The following MAP4K4 variants were observed in gnomAD, a reference collection of about 807,000 sequenced individuals.
MAP4K4 encodes HPK/GCK-like kinase HGK.
Under a neutral mutation model 189.6 loss-of-function variants are expected in MAP4K4, and 38 were observed. That is an observed-to-expected ratio of 0.20 (90% CI 0.15 to 0.26). MAP4K4 has a LOEUF of 0.26. MAP4K4 is among the 10% of genes least tolerant of loss of function. The probability of loss-of-function intolerance (pLI) is 1.00; values close to 1 mark genes in which losing one functional copy is unlikely to be tolerated. For missense variants in MAP4K4, 1,054 were observed against 1,726.9 expected (o/e 0.61, Z 6.91); for synonymous variants, 610 against 624.3 (o/e 0.98, Z 0.34).
At chr2:101,821,236 G>A (rs148959966) in intron 3 of MAP4K4, among the ~76,000 whole-genome samples, 9 of 152,262 alleles carry the variant, frequency 5.9e-5, no homozygotes, top group East Asian at 1.9e-4. Flanking sequence ...GACTGTTGCC[G>A]TATTTGTAGT....
intron 2 of MAP4K4, among the ~76,000 whole-genome samples, chr2:101,720,640 G>C (rs1232797294): frequency 2.0e-5 from 3 of 152,124 alleles, no homozygotes; most frequent in Admixed American, 6.5e-5. Flanking sequence ...CATCTTACTC[G>C]TTAAAACAAA....
intron 3 of MAP4K4, among the ~76,000 whole-genome samples, chr2:101,807,734 T>C (rs2095089200): frequency 1.3e-5 from 2 of 151,014 alleles, no homozygotes; most frequent in South Asian, 4.2e-4. Flanking sequence ...GCATCTTACA[T>C]GGTAGAAGCA....
At chr2:101,746,480 T>C (rs1481590737) in intron 2 of MAP4K4, among the ~76,000 whole-genome samples, 1 of 152,128 alleles carries the variant, frequency 6.6e-6, no homozygotes. Flanking sequence ...ATACATATTA[T>C]ATTCAGGAGA....
intron 2 of MAP4K4, among the ~76,000 whole-genome samples, chr2:101,754,217 G>A (rs896668422): frequency 1.3e-4 from 19 of 151,888 alleles, no homozygotes; most frequent in African/African-American, 4.6e-4. Flanking sequence ...TAGTCAGTAT[G>A]TTTTCATGTC....
intron 9 of MAP4K4, among the ~76,000 whole-genome samples, chr2:101,836,425 A>G (rs1375486869): frequency 6.6e-6 from 1 of 152,112 alleles, no homozygotes; most frequent in Admixed American, 6.5e-5. Flanking sequence ...TCTCTACTAT[A>G]AAACAACACA....
intron 9 of MAP4K4, among the ~76,000 whole-genome samples, chr2:101,837,222 T>C (rs1314533992): frequency 6.6e-6 from 1 of 152,114 alleles, no homozygotes; most frequent in Non-Finnish European, 1.5e-5. Context: ...ATTCTGAGTT[T>C]GGCCTTCAGC....
intron 2 of MAP4K4, among the ~76,000 whole-genome samples, chr2:101,733,956 A>G (rs2059450312): frequency 6.6e-6 from 1 of 152,174 alleles, no homozygotes; most frequent in African/African-American, 2.4e-5. Context: ...CTGACCTCAG[A>G]GGTTAGGGGA....
chr2:101,715,840 C>CT (rs2048058256), intron 2 of MAP4K4, among the ~76,000 whole-genome samples: 5 of 152,180 alleles, frequency 3.3e-5, no homozygotes, highest in Admixed American at 2.6e-4. Flanking sequence ...GCAATTGAAG[C>CT]TTTATCTGTA....
At chr2:101,840,070 C>A in intron 10 of MAP4K4, 76 bp downstream of exon 10, 2 of 1,406,736 alleles carry the variant, frequency 1.4e-6, no homozygotes, top group Non-Finnish European at 1.9e-6. Flanking sequence ...AGGTCCCTCC[C>A]TTCCCAGCTG....
chr2:101,887,907 C>G lies in MAP4K4; in HGVS notation c.3901C>G (p.Leu1301Val), dbSNP rs368749725. Residue 1301 changes from leucine to valine, a missense_variant, in exon 31 of 33, where the codon CTA (leucine) becomes GTA (valine). By Grantham distance (32) the Leu-to-Val change is conservative. Transcript: ENST00000324219. ...TGGAAGGATCACCAAGGATGTAGTT[C>G]TACAGTGGGGAGAGATGCCTACATC... 2 of 1,610,764 alleles carry G rather than the reference C, an allele frequency of 1.2e-6. No homozygotes were observed. Among genetic ancestry groups the G allele is most frequent in the Non-Finnish European group, 1.7e-6 (2 of 1,178,244 alleles).
intron 20 of MAP4K4, chr2:101,867,684 A>T (rs984339181): frequency 1.0e-5 from 4 of 381,970 alleles, no homozygotes; most frequent in Non-Finnish European, 1.9e-5. Flanking sequence ...CTTGGCATTA[A>T]CCTTTACTTA....
chr2:101,825,642 A>G (rs2096315124), intron 5 of MAP4K4, among the ~76,000 whole-genome samples: 2 of 152,236 alleles, frequency 1.3e-5, no homozygotes, highest in African/African-American at 4.8e-5. Flanking sequence ...GACTTAAATA[A>G]AAAAAGCATT....
chr2:101,838,940 A>G (rs764407730), intron 9 of MAP4K4, among the ~76,000 whole-genome samples: 37 of 152,188 alleles, frequency 2.4e-4, no homozygotes, highest in Admixed American at 1.4e-3. Context: ...GCAGGTTGAG[A>G]TGTAGGAACC....
At chr2:101,839,048 T>C (rs6761085) in intron 9 of MAP4K4, among the ~76,000 whole-genome samples, 66 of 152,284 alleles carry the variant, frequency 4.3e-4, no homozygotes, top group African/African-American at 1.3e-3. Flanking sequence ...GGCTCCTAAA[T>C]TGGGGACACA....
intron 3 of MAP4K4, among the ~76,000 whole-genome samples, chr2:101,796,067 G>T (rs1209537061): frequency 6.6e-6 from 1 of 152,182 alleles, no homozygotes; most frequent in East Asian, 1.9e-4. Flanking sequence ...ATGAAACGGT[G>T]CTCTTTGGAG....
chr2:101,886,436 C>T (rs186498939), intron 29 of MAP4K4, among the ~76,000 whole-genome samples: 140 of 152,290 alleles, frequency 9.2e-4, no homozygotes, highest in African/African-American at 3.3e-3. Flanking sequence ...GTGACTCCTA[C>T]AACTCCTCTC....
chr2:101,722,059 G>C (rs2052488218), intron 2 of MAP4K4, among the ~76,000 whole-genome samples: 1 of 152,170 alleles, frequency 6.6e-6, no homozygotes. Context: ...GAGGAAGATA[G>C]TAGGAGAGAG....
At chr2:101,725,784 TGAG>T (rs1394068229) in intron 2 of MAP4K4, among the ~76,000 whole-genome samples, 2 of 152,212 alleles carry the variant, frequency 1.3e-5, no homozygotes, top group South Asian at 2.1e-4. Flanking sequence ...GCTGGTGACT[TGAG>T]GAGGAGCCAG....
At chr2:101,715,667 G>C (rs901465876) in intron 2 of MAP4K4, among the ~76,000 whole-genome samples, 1 of 152,074 alleles carries the variant, frequency 6.6e-6, no homozygotes. Flanking sequence ...TAAAATTTTG[G>C]ATTAGGGATA....
Sources: allele counts gnomAD v4.1 joint callset (sites outside exome capture counted in the v4.1 genomes callset), GRCh38; gene constraint gnomAD v4.1.1; transcripts MANE v1.5; gene names NCBI Gene and HGNC (gene_info 2026-07-23, HGNC 2026-07-21).